DST: variants seen among roughly 807,000 people sequenced by gnomAD.
The protein encoded by DST is bullous pemphigoid antigen.
Under a neutral mutation model 875.2 loss-of-function variants are expected in DST, and 253 were observed. The ratio of observed to expected loss-of-function variants is 0.29; its 90% confidence interval spans 0.26 to 0.32. DST has a LOEUF of 0.32. Ranked by LOEUF, DST falls within the 10% of genes least tolerant of loss-of-function variation. The probability of loss-of-function intolerance (pLI) is 1.00; values close to 1 mark genes in which losing one functional copy is unlikely to be tolerated. For missense variants in DST, 8,287 were observed against 9,111.6 expected (o/e 0.91, Z 3.68); for synonymous variants, 3,124 against 3,197.1 (o/e 0.98, Z 0.77).
chr6:56,905,616 T>C (rs1399495940), intron 2 of DST, among the ~76,000 whole-genome samples: 1 of 152,100 alleles, frequency 6.6e-6, no homozygotes, highest in African/African-American at 2.4e-5. Flanking sequence ...TGAGTACTAT[T>C]CCATTGTATG....
chr6:56,628,027 G>T lies in DST; in HGVS notation c.4610C>A (p.Thr1537Asn), dbSNP rs762218111. ...IQENQPENSK[T>N]LATQLNQQKM... ...CTGTTGATTCAACTGTGTGGCTAGG[G>T]TTTTACTATTTTCAGGCTGATTTTC... Residue 1537 changes from threonine to asparagine, a missense_variant, in exon 33 of 104, where the codon ACC becomes AAC. By Grantham distance (65) the Thr-to-Asn change is moderately conservative (BLOSUM62 0). Coordinates refer to ENST00000680361, the MANE Select transcript of DST (RefSeq NM_001374736.1). The T allele has an allele frequency of 2.5e-6, 4 of 1,613,846 alleles. No individual in the cohort carries two copies. The highest frequency in any genetic ancestry group is 1.7e-5 in the Admixed American group (1 of 60,004).
At chr6:56,589,576 C>T (rs1216150582) in intron 49 of DST, among the ~76,000 whole-genome samples, 1 of 152,166 alleles carries the variant, frequency 6.6e-6, no homozygotes, top group East Asian at 1.9e-4. Flanking sequence ...GACTTAACAC[C>T]ACCCCAAAGA....
chr6:56,670,528 C>T (rs1318556275), intron 10 of DST, 113 bp downstream of exon 10: 15 of 844,770 alleles, frequency 1.8e-5, no homozygotes, highest in Non-Finnish European at 2.5e-5. Flanking sequence ...TCTGTATTTT[C>T]TAATTTTTTG....
chr6:56,616,437 T>A (rs779589546), intron 36 of DST: 4 of 1,614,114 alleles, frequency 2.5e-6, no homozygotes, highest in Non-Finnish European at 2.5e-6. Flanking sequence ...CCTGTTTTAG[T>A]ATCTACTACA....
intron 4 of DST, among the ~76,000 whole-genome samples, chr6:56,783,559 T>C (rs531202579): frequency 1.6e-4 from 24 of 152,304 alleles, no homozygotes; most frequent in African/African-American, 5.8e-4. Context: ...CTGCCTTTTT[T>C]TGTTTTCCAT....
In DST at chr6:56,639,432, T is replaced by C. The variant is rs2098863083; in HGVS notation, c.2859+18A>G. On this transcript the variant is annotated intron_variant, in intron 21 of 103. Transcript: ENST00000680361. ...CTAAAATGCAACCCTAGTATGCAAG[T>C]ACAAAGGGTGTACTTACAGCATGAT... 1 of 1,613,646 alleles carries C rather than the reference T, an allele frequency of 6.2e-7. No homozygotes were observed. The highest frequency in any genetic ancestry group is 8.5e-7 in the Non-Finnish European group (1 of 1,179,800).
At chr6:56,827,081 G>A (rs530173060) in intron 4 of DST, among the ~76,000 whole-genome samples, 5 of 152,166 alleles carry the variant, frequency 3.3e-5, no homozygotes, top group South Asian at 2.1e-4. Context: ...ATGTATCTCC[G>A]ATTAACTAAT....
chr6:56,761,485 T>C (rs2099617070), intron 4 of DST, among the ~76,000 whole-genome samples: 1 of 152,194 alleles, frequency 6.6e-6, no homozygotes, highest in Admixed American at 6.5e-5. Flanking sequence ...GTTTTTATCA[T>C]TGATAATAGG....
chr6:56,545,341 G>A (rs2097205695), intron 61 of DST, among the ~76,000 whole-genome samples: 1 of 151,338 alleles, frequency 6.6e-6, no homozygotes, highest in Non-Finnish European at 1.5e-5. Context: ...ACATAATAAG[G>A]TACGTAAAGT....
At chr6:56,713,315 T>C (rs2099384426) in intron 5 of DST, among the ~76,000 whole-genome samples, 1 of 152,222 alleles carries the variant, frequency 6.6e-6, no homozygotes, top group Admixed American at 6.5e-5. Context: ...TTGTGGCAAC[T>C]ACCCTGAATA....
chr6:56,521,205 T>A lies in DST; in HGVS notation c.18130-3585A>T, dbSNP rs889895777. Among the ~76,000 whole-genome samples the A allele has an allele frequency of 4.6e-5, 7 of 152,060 alleles. No homozygotes were observed. In the East Asian group the frequency reaches 1.3e-3, roughly 29 times the overall value. On this transcript the variant is annotated intron_variant, in intron 69 of 103. Coordinates refer to ENST00000680361, the MANE Select transcript of DST (RefSeq NM_001374736.1). ...TCTTACTTTTCAAGGCATGTAAAGC[T>A]ACAGGTAAAAATTGATTATGTGATT...
chr6:56,633,985 T>G (rs2098805750), intron 27 of DST, 147 bp downstream of exon 27: 2 of 947,342 alleles, frequency 2.1e-6, no homozygotes, highest in Non-Finnish European at 1.7e-6. Flanking sequence ...GCTATGGGCA[T>G]ATAACAAATA....
At chr6:56,741,128 T>C (rs1176955362) in intron 4 of DST, among the ~76,000 whole-genome samples, 1 of 152,174 alleles carries the variant, frequency 6.6e-6, no homozygotes, top group Non-Finnish European at 1.5e-5. Context: ...GCTAATTACT[T>C]ACCAAAGCAG....
intron 92 of DST, 51 bp from the exon 93 acceptor site, chr6:56,474,053 G>T: frequency 6.7e-7 from 1 of 1,499,436 alleles, no homozygotes. Flanking sequence ...ACAGAAAACC[G>T]TCTTTAGAAA....
chr6:56,883,913 C>A (rs1363574834), intron 3 of DST, among the ~76,000 whole-genome samples: 3 of 151,950 alleles, frequency 2.0e-5, no homozygotes, highest in Non-Finnish European at 2.9e-5. Context: ...TTATAAGTTT[C>A]TTAATATCAT....
chr6:56,783,768 T>C (rs2099699283), intron 4 of DST, among the ~76,000 whole-genome samples: 10 of 152,218 alleles, frequency 6.6e-5, no homozygotes. Context: ...CCTGTCATTA[T>C]GATGTTAGCT....
intron 4 of DST, among the ~76,000 whole-genome samples, chr6:56,787,410 C>G (rs566335024): frequency 6.6e-6 from 1 of 152,290 alleles, no homozygotes; most frequent in African/African-American, 2.4e-5. Flanking sequence ...CTTGGAAGTA[C>G]AGGATTGAGT....
Position 56,552,706 on chromosome 6 carries a change from C to T in DST, c.16086G>A (p.Glu5362=), listed in dbSNP as rs1562738548. ...CAACCTGCTGACTTAGTGTACTATG[C>T]TCTTGAGCTATGGTTTCCACTTGTA... The part of the protein sequence containing the change: ...VLLQVETIAQ[E]HSTLSQQVDE... The change falls in exon 61 of 104, where the codon GAG becomes GAA. Residue 5362 remains glutamate, a synonymous_variant. Transcript: ENST00000680361. 4 of 1,613,192 alleles carry T rather than the reference C, an allele frequency of 2.5e-6. No individual in the cohort carries two copies. Among genetic ancestry groups the T allele is most frequent in the Non-Finnish European group, 3.4e-6 (4 of 1,179,906 alleles).
chr6:56,520,490 T>C lies in DST; in HGVS notation c.18130-2870A>G, dbSNP rs1329906262. ...ATATTCTGTATCTTGACTGTATCAA[T>C]GTCAATATGCTGCTTGTGATATTTT... On this transcript the variant is annotated intron_variant, in intron 69 of 103. Transcript: ENST00000680361. 2.6e-5 allele frequency among the ~76,000 whole-genome samples: 4 copies of C among 152,244 alleles called. No individual in the cohort carries two copies. In the East Asian group the frequency reaches 5.8e-4, roughly 22 times the overall value.
Sources: allele counts gnomAD v4.1 joint callset (sites outside exome capture counted in the v4.1 genomes callset), GRCh38; gene constraint gnomAD v4.1.1; transcripts MANE v1.5; gene names NCBI Gene and HGNC (gene_info 2026-07-23, HGNC 2026-07-21).